Variants in ACSBG1 observed in about 807,000 individuals in gnomAD.
ACSBG1 encodes the protein acyl-CoA synthetase bubblegum family member 1.
ACSBG1 carries 39 observed loss-of-function variants against 80.2 expected under a neutral mutation model. The ratio of observed to expected loss-of-function variants is 0.49; its 90% confidence interval spans 0.38 to 0.64. The LOEUF is 0.64. Ranked by LOEUF, ACSBG1 falls within the 30% of genes least tolerant of loss-of-function variation. The pLI is 0.00. For missense variants in ACSBG1, 828 were observed against 966.4 expected, an observed-to-expected ratio of 0.86 and a Z score of 1.90; for synonymous variants, 392 against 379.5, an observed-to-expected ratio of 1.03 and a Z score of -0.38.
intron 2 of ACSBG1, among the ~76,000 whole-genome samples, chr15:78,205,354 G>A (rs1456519897): frequency 1.3e-5 from 2 of 152,010 alleles, no homozygotes; most frequent in Non-Finnish European, 2.9e-5. Context: ...AGCCTCCGAG[G>A]GCTCCAGAGT....
At chr15:78,234,267 C>G (rs2075474393) in intron 1 of ACSBG1, 104 bp downstream of exon 1, 5 of 1,469,748 alleles carry the variant, frequency 3.4e-6, no homozygotes, top group Admixed American at 2.0e-5. Context: ...GGTGAAGAAA[C>G]TGAGGCTCAG....
intron 2 of ACSBG1, among the ~76,000 whole-genome samples, chr15:78,202,864 T>C (rs2075181206): frequency 6.6e-6 from 1 of 152,188 alleles, no homozygotes; most frequent in Non-Finnish European, 1.5e-5. Context: ...TGGATATCCA[T>C]ACAGCAACGT....
chr15:78,233,336 A>T (rs1266757014), intron 1 of ACSBG1, among the ~76,000 whole-genome samples: 2 of 152,142 alleles, frequency 1.3e-5, no homozygotes, highest in Non-Finnish European at 2.9e-5. Flanking sequence ...GAGGCGCATT[A>T]ACATCTGTTC....
At chr15:78,191,826 A>T (rs1048594679) in intron 5 of ACSBG1, among the ~76,000 whole-genome samples, 1 of 152,166 alleles carries the variant, frequency 6.6e-6, no homozygotes, top group African/African-American at 2.4e-5. Flanking sequence ...CTATGGGGTG[A>T]CATAATGATT....
chr15:78,213,805 C>T (rs1567095497), intron 1 of ACSBG1: 1 of 152,308 alleles, frequency 6.6e-6, no homozygotes, highest in East Asian at 1.9e-4. Context: ...GGTTTGGTTC[C>T]TTACTAAGCA....
At chr15:78,194,118 G>T in intron 3 of ACSBG1, 98 bp from the exon 4 acceptor site, 6 of 1,182,178 alleles carry the variant, frequency 5.1e-6, no homozygotes, top group South Asian at 1.3e-5. Flanking sequence ...GGACCTGCAG[G>T]CTCCACCCTC....
intron 2 of ACSBG1, among the ~76,000 whole-genome samples, chr15:78,204,102 G>A (rs551933242): frequency 1.2e-4 from 18 of 152,334 alleles, no homozygotes; most frequent in African/African-American, 2.9e-4. Flanking sequence ...CCCTGCAGCT[G>A]CCACTCCCGG....
At chr15:78,207,974 C>T (rs753224984) in intron 2 of ACSBG1, 28 bp downstream of exon 2, 2 of 1,405,586 alleles carry the variant, frequency 1.4e-6, no homozygotes, top group South Asian at 2.3e-5. Flanking sequence ...CCCGCCCTGC[C>T]CCACCCTACC....
intron 5 of ACSBG1, among the ~76,000 whole-genome samples, chr15:78,187,488 G>T (rs1305778818): frequency 1.3e-5 from 2 of 152,216 alleles, no homozygotes; most frequent in African/African-American, 4.8e-5. Context: ...GATCAAGTGG[G>T]CTTCATCCCT....
chr15:78,223,260 C>T (rs1157422880), intron 1 of ACSBG1, among the ~76,000 whole-genome samples: 1 of 102,236 alleles, frequency 9.8e-6, no homozygotes, highest in African/African-American at 3.9e-5. Flanking sequence ...AGCACATGGA[C>T]ATAGGGAGGG....
At chr15:78,210,615 T>C (rs1271175896) in intron 1 of ACSBG1, among the ~76,000 whole-genome samples, 1 of 152,200 alleles carries the variant, frequency 6.6e-6, no homozygotes, top group South Asian at 2.1e-4. Context: ...TGTATGTATG[T>C]ATTTATTTAT....
Position 78,178,714 on chromosome 15 carries a change from G to A in ACSBG1, c.1602C>T (p.Asp534=). 6.2e-7 allele frequency: 1 copy of A among 1,614,136 alleles called. No individual in the cohort carries two copies. ...TIFMGYLNME[D]KTCEAIDEEG... ...CCTCGTCGATGGCCTCACAAGTCTT[G>A]TCCTCCATGTTCAGGTAGCCCATGA... Residue 534 remains aspartate (D), a synonymous_variant, in exon 11 of 14, where the codon GAC becomes GAT. Coordinates refer to ENST00000258873, the MANE Select transcript of ACSBG1 (RefSeq NM_015162.5). The surrounding 1 kb of genome is among the most constrained non-coding windows in gnomAD (Gnocchi z 4.3).
chr15:78,181,864 A>T, intron 8 of ACSBG1, 105 bp downstream of exon 8: 1 of 1,404,490 alleles, frequency 7.1e-7, no homozygotes. Context: ...TGACTGATAC[A>T]TGCACAGGAA....
In ACSBG1 at chr15:78,193,940, T is replaced by C; in HGVS notation, c.534A>G (p.Val178=). Reference sequence around the variant, plus strand: ...CTGCCCCCGCCACTCACCCTGCAAATACTGTGCCCACTGCCGAGAAGAACC... The same window carrying C: ...CTGCCCCCGCCACTCACCCTGCAAACACTGTGCCCACTGCCGAGAAGAACC... ...PEWFFSAVGT[V]FAGGIVTGIY... The change falls in exon 4 of 14, where the codon GTA becomes GTG. Residue 178 remains valine (V), a synonymous_variant. Coordinates refer to ENST00000258873, the MANE Select transcript of ACSBG1 (RefSeq NM_015162.5). The C allele has an allele frequency of 6.2e-7, 1 of 1,613,166 alleles. No homozygotes were observed. The highest frequency in any genetic ancestry group is 8.5e-7 in the Non-Finnish European group (1 of 1,179,722).
chr15:78,178,922 A>G lies in ACSBG1; in HGVS notation c.1485-91T>C, dbSNP rs1373846790. On this transcript the variant is annotated intron_variant, in intron 10 of 13. Transcript: ENST00000258873. The surrounding 1 kb of genome is among the most constrained non-coding windows in gnomAD (Gnocchi z 4.3). ...CCGGGGTCCCAACTGCTCGGTCTTC[A>G]CTGATTGCTAGAAGGTATCCCCTCA... 25 of 1,301,682 alleles carry G rather than the reference A, an allele frequency of 1.9e-5. No individual in the cohort carries two copies. The Admixed American group carries it at 4.3e-4, about 22-fold the overall frequency. 80.6% of individuals were successfully genotyped at this position (1,301,682 alleles called of 1,614,324 possible).
intron 1 of ACSBG1, among the ~76,000 whole-genome samples, chr15:78,229,331 C>T (rs4887021): frequency 1 from 152,019 of 152,378 alleles, 75,831 homozygotes; most frequent in Middle Eastern, 1. Flanking sequence ...GTGTTTTTTA[C>T]ATAATGGGAA....
intron 1 of ACSBG1, among the ~76,000 whole-genome samples, chr15:78,226,785 A>AATATATATAT (rs140363906): frequency 1.3e-5 from 1 of 78,450 alleles, no homozygotes; most frequent in African/African-American, 4.8e-5. Context: ...CACATAGAAA[A>AATATATATAT]ATATATATAT....
intron 1 of ACSBG1, among the ~76,000 whole-genome samples, chr15:78,222,542 G>A (rs1307145557): frequency 1.3e-5 from 2 of 152,030 alleles, no homozygotes; most frequent in African/African-American, 2.4e-5. Context: ...AGGTGCCTGC[G>A]GTCACAGCTA....
chr15:78,233,687 C>CGTGTGT (rs879483746), intron 1 of ACSBG1, among the ~76,000 whole-genome samples: 1 of 152,038 alleles, frequency 6.6e-6, no homozygotes, highest in Non-Finnish European at 1.5e-5. Context: ...CCTGGAGTTC[C>CGTGTGT]GTGTGTGTGC....
Sources: allele counts gnomAD v4.1 joint callset (sites outside exome capture counted in the v4.1 genomes callset), GRCh38; gene constraint gnomAD v4.1.1; non-coding constraint Gnocchi (gnomAD v3.1); transcripts MANE v1.5; gene names NCBI Gene and HGNC (gene_info 2026-07-23, HGNC 2026-07-21).